TPH1: variants seen among roughly 807,000 people sequenced by gnomAD.
TPH1 encodes the protein tryptophan hydroxylase 1.
TPH1 carries 37 observed loss-of-function variants against 49.5 expected under a neutral mutation model. That is an observed-to-expected ratio of 0.75 (90% CI 0.58 to 0.98). The LOEUF is 0.98. TPH1 is among the 50% of genes least tolerant of loss of function. TPH1 has a pLI of 0.00. For synonymous variants in TPH1, 160 were observed against 182.1 expected (o/e 0.88, Z 0.98); for missense variants, 487 against 523.6 (o/e 0.93, Z 0.68).
intron 2 of TPH1, 76 bp from the exon 3 acceptor site, chr11:18,036,218 A>C (rs1249464245): frequency 1.7e-6 from 2 of 1,143,516 alleles, no homozygotes; most frequent in African/African-American, 3.1e-5. Flanking sequence ...TACTTTAATT[A>C]CCACTAAAAA....
At chr11:18,024,220 G>A (rs1413913230) in intron 8 of TPH1, among the ~76,000 whole-genome samples, 1 of 152,154 alleles carries the variant, frequency 6.6e-6, no homozygotes, top group Non-Finnish European at 1.5e-5. Flanking sequence ...GTGCGTGTAT[G>A]TGTAGGTTAT....
At position 18,026,640 on chromosome 11, in the gene TPH1, A is replaced by G. The variant is rs1306127004; in HGVS notation, c.668-15T>C. 2 of 1,613,964 alleles carry G rather than the reference A, an allele frequency of 1.2e-6. No homozygotes were observed. The highest frequency in any genetic ancestry group is 2.2e-5 in the East Asian group (1 of 44,876). Reference sequence around the variant, plus strand: ...ACCTGTACGCTCTGCAAAGCAAAGGAGAAAACAAAGAAAATCTTTACCAGA... The same window carrying G: ...ACCTGTACGCTCTGCAAAGCAAAGGGGAAAACAAAGAAAATCTTTACCAGA... On this transcript the variant is annotated splice_polypyrimidine_tract_variant and intron_variant, in intron 6 of 10. Transcript: ENST00000682019.
At chr11:18,039,150 C>T (rs1387255076) in intron 2 of TPH1, among the ~76,000 whole-genome samples, 1 of 152,164 alleles carries the variant, frequency 6.6e-6, no homozygotes, top group African/African-American at 2.4e-5. Flanking sequence ...TCTAGACTAT[C>T]TATATTTAAG....
At position 18,020,888 on chromosome 11, in the gene TPH1, G is replaced by T; in HGVS notation, c.*103C>A. 1.9e-6 allele frequency: 2 copies of T among 1,077,602 alleles called. No individual in the cohort carries two copies. Among genetic ancestry groups the T allele is most frequent in the Non-Finnish European group, 2.9e-6 (2 of 695,298 alleles). 66.8% of individuals were successfully genotyped at this position (1,077,602 alleles called of 1,614,324 possible). ...GTAGTGGAATTCGATAATATTGTTTGGCCAGAAGATGCTGTCCCTCCAGGA... is the reference window on the plus strand; with the variant it reads ...GTAGTGGAATTCGATAATATTGTTTTGCCAGAAGATGCTGTCCCTCCAGGA... On this transcript the variant is annotated 3_prime_UTR_variant, in exon 11 of 11. Transcript: ENST00000682019.
rs1341770870 is a variant in TPH1 at position 18,020,844 on chromosome 11, A to G, written c.*147T>C. 4.0e-6 allele frequency: 3 copies of G among 741,358 alleles called. No individual in the cohort carries two copies. Among genetic ancestry groups the G allele is most frequent in the African/African-American group, 3.5e-5 (2 of 57,232 alleles). 45.9% of individuals were successfully genotyped at this position (741,358 alleles called of 1,614,324 possible). A position where few individuals can be genotyped will look rare whatever the true frequency, so the allele number is the denominator to read the frequency against. Reference sequence around the variant, plus strand: ...TAGAATATCCAGGTACAAATTTTCAAAGACTAGTGATTCCTTAAGTAGTGG... The same window carrying G: ...TAGAATATCCAGGTACAAATTTTCAGAGACTAGTGATTCCTTAAGTAGTGG... On this transcript the variant is annotated 3_prime_UTR_variant, in exon 11 of 11. Transcript: ENST00000682019.
Position 18,026,628 on chromosome 11 carries a change from G to A in TPH1, c.668-3C>T, listed in dbSNP as rs989650148. ...ACGGATGGAAAAACCTGTACGCTCT[G>A]CAAAGCAAAGGAGAAAACAAAGAAA... On this transcript the variant is annotated splice_polypyrimidine_tract_variant and splice_region_variant and intron_variant, in intron 6 of 10. Transcript: ENST00000682019. 3.7e-6 allele frequency: 6 copies of A among 1,613,880 alleles called. No homozygotes were observed. Among genetic ancestry groups the A allele is most frequent in the African/African-American group, 2.7e-5 (2 of 74,916 alleles).
chr11:18,041,219 A>C (rs1370008582), intron 1 of TPH1: 1 of 160,824 alleles, frequency 6.2e-6, no homozygotes, highest in African/African-American at 2.4e-5. Flanking sequence ...CAAGGCAGCA[A>C]GCTCCTCCAG....
intron 6 of TPH1, among the ~76,000 whole-genome samples, chr11:18,028,799 T>A (rs1847954049): frequency 6.6e-6 from 1 of 152,102 alleles, no homozygotes; most frequent in African/African-American, 2.4e-5. Context: ...GTGTGGTGGC[T>A]CACGCCTGTA....
rs765863187 is a variant in TPH1, at chr11:18,042,451, A to G, written c.-26-1663T>C. The G allele has an allele frequency of 4.8e-4, 193 of 400,064 alleles. 1 individual carries two copies. The highest frequency in any genetic ancestry group is 2.0e-4 in the Admixed American group (6 of 30,602). 24.8% of individuals were successfully genotyped at this position (400,064 alleles called of 1,614,324 possible). On this transcript the variant is annotated intron_variant, in intron 1 of 10. Transcript: ENST00000682019. ...CCTAAAGCGTGAAAATGTAAACAATAAAAGAGATGCAAAATAATATAACAA... is the reference window on the plus strand; with the variant it reads ...CCTAAAGCGTGAAAATGTAAACAATGAAAGAGATGCAAAATAATATAACAA...
At chr11:18,026,672 C>A (rs756067478) in intron 6 of TPH1, 47 bp from the exon 7 acceptor site, 3 of 1,612,068 alleles carry the variant, frequency 1.9e-6, no homozygotes. Flanking sequence ...CAGAATAGAC[C>A]CCTGACTGCA....
intron 2 of TPH1, among the ~76,000 whole-genome samples, chr11:18,040,312 TTA>T (rs989378653): frequency 3.1e-4 from 45 of 147,436 alleles, no homozygotes; most frequent in African/African-American, 9.1e-4. Context: ...TTACAATAAT[TTA>T]TATATATAAT....
chr11:18,020,436 A>G lies in TPH1; in HGVS notation c.*555T>C, dbSNP rs1168302490. On this transcript the variant is annotated 3_prime_UTR_variant, in exon 11 of 11. Coordinates refer to ENST00000682019, the MANE Select transcript of TPH1 (RefSeq NM_004179.3). Reference sequence around the variant, plus strand: ...ACTTGCTCTTTACTAGGTATCCTCCATGTGCAAAGGCCTCTATACTTTTGC... The same window carrying G: ...ACTTGCTCTTTACTAGGTATCCTCCGTGTGCAAAGGCCTCTATACTTTTGC... 1 of 157,328 alleles carries G rather than the reference A, an allele frequency of 6.4e-6. No individual in the cohort carries two copies. Among genetic ancestry groups the G allele is most frequent in the Non-Finnish European group, 1.4e-5 (1 of 71,162 alleles). The allele number at this position is 157,328 out of a possible 1,614,324, so 9.7% of individuals were successfully genotyped here. A position where few individuals can be genotyped will look rare whatever the true frequency, so the allele number is the denominator to read the frequency against.
At position 18,037,794 on chromosome 11, in the gene TPH1, A is replaced by G. The variant is rs573861267; in HGVS notation, c.118-1652T>C. Among the ~76,000 whole-genome samples, 5 of 152,352 alleles carry G rather than the reference A, an allele frequency of 3.3e-5. No individual in the cohort carries two copies. In the East Asian group the frequency reaches 9.6e-4, roughly 29 times the overall value. On this transcript the variant is annotated intron_variant, in intron 2 of 10. Coordinates refer to ENST00000682019, the MANE Select transcript of TPH1 (RefSeq NM_004179.3). ...AGAAGTAGTAAGTGAAACATTCCCT[A>G]TCAGACATTTCAGTTACAGAAACAG...
intron 1 of TPH1, among the ~76,000 whole-genome samples, chr11:18,046,000 C>A (rs189162420): frequency 1.3e-5 from 2 of 152,292 alleles, no homozygotes; most frequent in African/African-American, 4.8e-5. Flanking sequence ...CTCATGATGG[C>A]TAAAGAGTCT....
At chr11:18,029,770 C>G (rs1381444387) in intron 4 of TPH1, among the ~76,000 whole-genome samples, 191 bp from the exon 5 acceptor site, 1 of 152,062 alleles carries the variant, frequency 6.6e-6, no homozygotes, top group Non-Finnish European at 1.5e-5. Context: ...GCTTTATACT[C>G]CAGTAGCTAC....
chr11:18,046,209 C>T (rs1848139749), intron 1 of TPH1, among the ~76,000 whole-genome samples, 32 bp downstream of exon 1: 1 of 152,224 alleles, frequency 6.6e-6, no homozygotes, highest in African/African-American at 2.4e-5. Flanking sequence ...ACGGCGGTCC[C>T]CGGTGCCCGC....
rs764178387 is a variant in TPH1, at chr11:18,020,962, C to T, written c.*29G>A. On this transcript the variant is annotated 3_prime_UTR_variant, in exon 11 of 11. Transcript: ENST00000682019. ...GATGGCCCAGACCTCCGAATTGATG[C>T]TCAAATGTTCCTGGATGACTGGCTA... is the stretch of plus-strand genomic sequence containing the variant. The T allele has an allele frequency of 4.3e-6, 7 of 1,612,034 alleles. No individual in the cohort carries two copies. The African/African-American group carries it at 6.7e-5, about 15-fold the overall frequency.
At chr11:18,022,569 A>C (rs761893490) in intron 10 of TPH1, among the ~76,000 whole-genome samples, 6 of 152,250 alleles carry the variant, frequency 3.9e-5, no homozygotes, top group Non-Finnish European at 7.3e-5. Context: ...TCTGACTGGA[A>C]GAATTGGAAA....
intron 1 of TPH1, among the ~76,000 whole-genome samples, chr11:18,043,853 GAAACCCTGTCTCTTAAAAA>G (rs1370917596): frequency 4.7e-5 from 7 of 150,378 alleles, no homozygotes; most frequent in Admixed American, 1.3e-4. Context: ...GTGACAGAGT[GAAACCCTGTCTCTTAAAAA>G]AAAAAAAAAG....
Sources: gnomAD v4.1 joint callset for allele counts (sites outside exome capture counted in the v4.1 genomes callset) on GRCh38, gnomAD v4.1.1 for gene constraint, MANE v1.5 for transcripts, NCBI Gene and HGNC (gene_info 2026-07-23, HGNC 2026-07-21) for gene names.